The following MORN1 variants were observed in gnomAD, a reference collection of about 807,000 sequenced individuals.
MORN1 encodes the protein MORN repeat containing 1.
In MORN1, 67 loss-of-function variants were observed where a neutral mutation model predicts 61.9. The ratio of observed to expected loss-of-function variants is 1.08; its 90% CI spans 0.89 to 1.33. The LOEUF is 1.33. MORN1 is among the 40% of genes most tolerant of loss of function. The pLI, the probability that MORN1 is intolerant of heterozygous loss-of-function variation, is 0.00. For synonymous variants in MORN1, 301 were observed against 292.0 expected, an observed-to-expected ratio of 1.03 and a Z score of -0.31; for missense variants, 752 against 691.2, an observed-to-expected ratio of 1.09 and a Z score of -0.99.
At chr1:2,322,118 G>A (rs1464055542) in intron 13 of MORN1, 12 of 985,340 alleles carry the variant, frequency 1.2e-5, no homozygotes, top group Non-Finnish European at 9.6e-6. Context: ...GGGCTGGAGG[G>A]CGGCCCTGCT....
At chr1:2,367,687 C>T (rs545714377) in intron 8 of MORN1, among the ~76,000 whole-genome samples, 40 of 151,964 alleles carry the variant, frequency 2.6e-4, no homozygotes, top group Admixed American at 1.3e-3. Context: ...GGTGCAGTGG[C>T]GTGATCTCGG....
At chr1:2,355,608 C>G in intron 10 of MORN1, 1 of 817,238 alleles carries the variant, frequency 1.2e-6, no homozygotes. Context: ...ATTCCGCTGC[C>G]GCTTTCTCCC....
chr1:2,325,789 T>A (rs1334611776), intron 12 of MORN1, among the ~76,000 whole-genome samples: 1 of 151,076 alleles, frequency 6.6e-6, no homozygotes, highest in East Asian at 2.0e-4. Context: ...GCTCAGCTAC[T>A]TTTTAAATTT....
intron 13 of MORN1, chr1:2,323,761 G>C: frequency 1.0e-6 from 1 of 985,354 alleles, no homozygotes; most frequent in Non-Finnish European, 1.2e-6. Flanking sequence ...TGTGGGCCTT[G>C]ACAGCTCCCC....
chr1:2,336,370 C>T (rs747144746), intron 12 of MORN1, 99 bp downstream of exon 12: 2 of 1,237,718 alleles, frequency 1.6e-6, no homozygotes, highest in East Asian at 2.5e-5. Context: ...CAGACCAGGC[C>T]CTTGGCTCCC....
intron 12 of MORN1, among the ~76,000 whole-genome samples, chr1:2,333,894 T>C (rs1199120395): frequency 1.4e-5 from 2 of 146,210 alleles, no homozygotes; most frequent in African/African-American, 4.8e-5. Context: ...CAGAGCCAGG[T>C]TGGCTGCTGG....
chr1:2,357,396 C>A lies in MORN1; in HGVS notation c.1036+36G>T. The A allele has an allele frequency of 6.4e-7, 1 of 1,551,734 alleles. No homozygotes were observed. The highest frequency in any genetic ancestry group is 8.7e-7 in the Non-Finnish European group (1 of 1,147,028). On this transcript the variant is annotated intron_variant, in intron 10 of 13. Transcript: ENST00000378531. The surrounding 1 kb of genome is among the most constrained non-coding windows in gnomAD (Gnocchi z 6.3). Reference sequence around the variant, plus strand: ...CCCACCTTGACTGCTGGGCCTGGGCCCACCCACCCCCAACTGGTTTGTGAG... The same window carrying A: ...CCCACCTTGACTGCTGGGCCTGGGCACACCCACCCCCAACTGGTTTGTGAG...
intron 1 of MORN1, 94 bp downstream of exon 1, chr1:2,391,364 A>G: frequency 8.2e-7 from 1 of 1,224,188 alleles, no homozygotes; most frequent in Non-Finnish European, 1.0e-6. Context: ...CTACTTTCCG[A>G]GGTGAGCATT....
At chr1:2,324,699 T>G (rs1640961768) in intron 12 of MORN1, among the ~76,000 whole-genome samples, 1 of 152,140 alleles carries the variant, frequency 6.6e-6, no homozygotes, top group Admixed American at 6.5e-5. Flanking sequence ...CCAGGGGTCC[T>G]GCCGGGGCCT....
intron 6 of MORN1, among the ~76,000 whole-genome samples, chr1:2,381,303 G>A (rs139676317): frequency 1.1e-4 from 17 of 152,236 alleles, no homozygotes; most frequent in Non-Finnish European, 1.6e-4. Context: ...CGTCTACATC[G>A]GTCTGGGCAG....
Position 2,357,240 on chromosome 1 carries a change from C to T in MORN1, c.1036+192G>A, listed in dbSNP as rs1181258049. Among the ~76,000 whole-genome samples the T allele has an allele frequency of 6.6e-6, 1 of 152,328 alleles. No homozygotes were observed. Among genetic ancestry groups the T allele is most frequent in the East Asian group, 1.9e-4 (1 of 5,182 alleles). ...GACGAACAATCGGCTTGAGCCTCCG[C>T]AGCCACCCGTGACTGCTTGTCTGGG... On this transcript the variant is annotated intron_variant, in intron 10 of 13. Transcript: ENST00000378531. This position sits in a 1 kb window ranked among gnomAD's most constrained non-coding sequence, Gnocchi z 6.3.
At chr1:2,350,060 T>C (rs559876888) in intron 10 of MORN1, among the ~76,000 whole-genome samples, 3 of 152,312 alleles carry the variant, frequency 2.0e-5, no homozygotes, top group South Asian at 2.1e-4. Flanking sequence ...GCCCAAATTA[T>C]TGGGCCCAGG....
chr1:2,387,971 G>A (rs2100377888), intron 3 of MORN1: 3 of 478,148 alleles, frequency 6.3e-6, no homozygotes, highest in Non-Finnish European at 1.1e-5. Context: ...ATACAATGTG[G>A]CTGAAATAGC....
At position 2,391,497 on chromosome 1, in the gene MORN1, C is replaced by T. The variant is rs1557898742; in HGVS notation, c.37G>A (p.Gly13Arg). The T allele has an allele frequency of 1.6e-6, 2 of 1,251,218 alleles. No homozygotes were observed. The highest frequency in any genetic ancestry group is 3.4e-5 in the South Asian group (1 of 29,344). 77.5% of individuals were successfully genotyped at this position (1,251,218 alleles called of 1,614,324 possible). A position where few individuals can be genotyped will look rare whatever the true frequency, so the allele number is the denominator to read the frequency against. Residue 13 changes from glycine to arginine, a missense_variant, in exon 1 of 14, where the codon GGG (glycine) becomes AGG (arginine). Gly to Arg is a moderately radical substitution (Grantham distance 125). Transcript: ENST00000378531. ...AAGEGTPSSR[G>R]PRRDPPRRPP... Reference sequence around the variant, plus strand: ...CGCCTAGGCGGGTCCCGACGCGGCCCGCGGGAGCTCGGGGTGCCCTCGCCC... The same window carrying T: ...CGCCTAGGCGGGTCCCGACGCGGCCTGCGGGAGCTCGGGGTGCCCTCGCCC...
intron 10 of MORN1, chr1:2,355,263 A>AGGGGGC: frequency 7.0e-7 from 1 of 1,425,238 alleles, no homozygotes; most frequent in Non-Finnish European, 9.2e-7. Context: ...AAGGCAGACA[A>AGGGGGC]GGGGGCGCGG....
chr1:2,327,440 G>A (rs1016587163), intron 12 of MORN1, among the ~76,000 whole-genome samples: 6 of 135,900 alleles, frequency 4.4e-5, no homozygotes, highest in Non-Finnish European at 6.5e-5. Flanking sequence ...ACACAGCGAC[G>A]CAGAAACACA....
At chr1:2,390,397 A>G (rs1642619968) in intron 1 of MORN1, 1 of 978,034 alleles carries the variant, frequency 1.0e-6, no homozygotes. Flanking sequence ...GGAGGAGCAG[A>G]CTCTCCCATC....
intron 12 of MORN1, among the ~76,000 whole-genome samples, chr1:2,324,780 G>T (rs566249575): frequency 6.6e-5 from 10 of 152,100 alleles, no homozygotes; most frequent in Non-Finnish European, 1.2e-4. Flanking sequence ...TCTCTGGGGG[G>T]GCCCACCACC....
intron 6 of MORN1, among the ~76,000 whole-genome samples, chr1:2,381,922 C>G (rs1338939149): frequency 6.6e-6 from 1 of 152,048 alleles, no homozygotes; most frequent in Non-Finnish European, 1.5e-5. Context: ...CTGGGCTGCC[C>G]CCTGGTGGAT....
Sources: allele counts gnomAD v4.1 joint callset (sites outside exome capture counted in the v4.1 genomes callset), GRCh38; gene constraint gnomAD v4.1.1; non-coding constraint Gnocchi (gnomAD v3.1); transcripts MANE v1.5; gene names NCBI Gene and HGNC (gene_info 2026-07-23, HGNC 2026-07-21).